EEF1D: variants seen among roughly 807,000 people sequenced by gnomAD.
The protein encoded by EEF1D is elongation factor 1-delta.
A neutral mutation model predicts 63.9 loss-of-function variants in EEF1D; 47 were observed. That is an observed-to-expected ratio of 0.74 (90% CI 0.58 to 0.94). The LOEUF (loss-of-function observed/expected upper bound fraction) is 0.94, where lower values mean the gene tolerates loss of function less well. Ranked by LOEUF, EEF1D falls within the 40% of genes least tolerant of loss-of-function variation. The pLI is 0.00. For synonymous variants in EEF1D, 412 were observed against 386.1 expected, an observed-to-expected ratio of 1.07 and a Z score of -0.79; for missense variants, 907 against 899.0, an observed-to-expected ratio of 1.01 and a Z score of -0.11.
chr8:143,586,378 T>C, intron 4 of EEF1D, 88 bp from the exon 5 acceptor site: 1 of 1,234,544 alleles, frequency 8.1e-7, no homozygotes, highest in Non-Finnish European at 1.1e-6. Flanking sequence ...CCATGAACCC[T>C]CACATAGAGA....
chr8:143,581,356 A>G, intron 5 of EEF1D, 28 bp from the exon 6 acceptor site: 2 of 1,597,220 alleles, frequency 1.3e-6, no homozygotes, highest in East Asian at 2.2e-5. Flanking sequence ...GGGAGGGCTC[A>G]GTGCCCAGCC....
chr8:143,581,972 G>A lies in EEF1D; in HGVS notation c.1288-644C>T, dbSNP rs1348486260. 8 of 152,544 alleles carry A rather than the reference G, an allele frequency of 5.2e-5. No individual in the cohort carries two copies. In the East Asian group the frequency reaches 9.6e-4, roughly 18 times the overall value. The allele number at this position is 152,544 out of a possible 1,614,324, so 9.4% of individuals were successfully genotyped here. A position where few individuals can be genotyped will look rare whatever the true frequency, so the allele number is the denominator to read the frequency against. On this transcript the variant is annotated intron_variant, in intron 5 of 9. Transcript: ENST00000618139. ...TCCTTAAGCATCTACCTGCACGCAT[G>A]GGCCATTTAGCCTGCCCACCCTCCA... is the stretch of plus-strand genomic sequence containing the variant.
intron 9 of EEF1D, 37 bp from the exon 10 acceptor site, chr8:143,579,867 C>T (rs764038804): frequency 1.2e-5 from 18 of 1,539,028 alleles, no homozygotes; most frequent in Non-Finnish European, 1.6e-5. Flanking sequence ...AGGGCTGTTC[C>T]CCTACAGCCC....
Position 143,581,237 on chromosome 8 carries a change from A to T in EEF1D, c.1379T>A (p.Leu460Gln). The T allele has an allele frequency of 6.2e-7, 1 of 1,612,736 alleles. No homozygotes were observed. The highest frequency in any genetic ancestry group is 8.5e-7 in the Non-Finnish European group (1 of 1,179,956). Residue 460 changes from leucine (L) to glutamine (Q), a missense_variant, in exon 6 of 10, where the codon CTG becomes CAG. Physicochemically the swap from Leu to Gln is moderately radical, Grantham distance 113. Transcript: ENST00000618139. ...CTGGCCCGGGGCCTCACCGCCACGC[A>T]GACTCTGGTTCTCCACTTCCAGACT... Reference protein sequence around the residue: ...IASLEVENQSLRGVVQELQQA... With the variant: ...IASLEVENQSQRGVVQELQQA...
chr8:143,589,278 G>C lies in EEF1D; in HGVS notation c.804C>G (p.Ala268=). 1 of 1,586,858 alleles carries C rather than the reference G, an allele frequency of 6.3e-7. No individual in the cohort carries two copies. The highest frequency in any genetic ancestry group is 8.6e-7 in the Non-Finnish European group (1 of 1,165,860). The stretch of plus-strand genomic sequence containing the variant: ...CTCTGCGGCCCCGCCGGGCACCCTC[G>C]GCCAGGCCGGCTCGCTCTTGCAGGC... The part of the protein sequence containing the change: ...KVRLQERAGL[A]EGARRGRRDR... The change falls in exon 3 of 10, where the codon GCC becomes GCG. Residue 268 remains alanine (A), a synonymous_variant. Coordinates refer to ENST00000618139, the MANE Select transcript of EEF1D (RefSeq NM_001130053.5).
chr8:143,581,233 A>G lies in EEF1D; in HGVS notation c.1383T>C (p.Arg461=). The part of the protein sequence containing the change: ...ASLEVENQSL[R]GVVQELQQAI... ...CCCACTGGCCCGGGGCCTCACCGCC[A>G]CGCAGACTCTGGTTCTCCACTTCCA... The change falls in exon 6 of 10, where the codon CGT becomes CGC. Residue 461 remains arginine, a synonymous_variant. Transcript: ENST00000618139. 1 of 1,612,720 alleles carries G rather than the reference A, an allele frequency of 6.2e-7. No homozygotes were observed. Among genetic ancestry groups the G allele is most frequent in the Admixed American group, 1.7e-5 (1 of 60,018 alleles).
rs760515138 is a variant in EEF1D at position 143,589,671 on chromosome 8, G to A, written c.411C>T (p.Ala137=). 6.5e-7 allele frequency: 1 copy of A among 1,533,754 alleles called. No individual in the cohort carries two copies. The change falls in exon 3 of 10, where the codon GCC becomes GCT. Residue 137 remains alanine (A), a synonymous_variant. Coordinates refer to ENST00000618139, the MANE Select transcript of EEF1D (RefSeq NM_001130053.5). The part of the protein sequence containing the change: ...QKLADVAAQA[A]WPPALAPWGL... Reference sequence around the variant, plus strand: ...CCCAAGGGGCCAAGGCAGGAGGCCAGGCTGCCTGGGCAGCCACATCTGCCA... The same window carrying A: ...CCCAAGGGGCCAAGGCAGGAGGCCAAGCTGCCTGGGCAGCCACATCTGCCA...
intron 5 of EEF1D, among the ~76,000 whole-genome samples, chr8:143,584,705 C>CAACCTA (rs59178781): frequency 0.8 from 121,126 of 151,290 alleles, 50,157 homozygotes; most frequent in Non-Finnish European, 0.92. Context: ...TCTTCTAGAA[C>CAACCTA]AACCTAAACT....
At position 143,589,279 on chromosome 8, in the gene EEF1D, G is replaced by A; in HGVS notation, c.803C>T (p.Ala268Val). The A allele has an allele frequency of 6.3e-7, 1 of 1,587,198 alleles. No individual in the cohort carries two copies. Among genetic ancestry groups the A allele is most frequent in the South Asian group, 1.1e-5 (1 of 88,228 alleles). The change falls in exon 3 of 10, where the codon GCC becomes GTC. Residue 268 changes from alanine (A) to valine (V), a missense_variant. Ala to Val is a moderately conservative substitution (Grantham distance 64, BLOSUM62 0). Transcript: ENST00000618139. ...TCTGCGGCCCCGCCGGGCACCCTCGGCCAGGCCGGCTCGCTCTTGCAGGCG... is the reference window on the plus strand; with the variant it reads ...TCTGCGGCCCCGCCGGGCACCCTCGACCAGGCCGGCTCGCTCTTGCAGGCG... ...KVRLQERAGL[A>V]EGARRGRRDR...
chr8:143,585,928 ACAGGACACCCTG>A, intron 5 of EEF1D: 1 of 421,814 alleles, frequency 2.4e-6, no homozygotes. Context: ...CCAGGTGCCC[ACAGGACACCCTG>A]CAAATGGCAC....
At chr8:143,588,288 G>A (rs988192785) in intron 3 of EEF1D, among the ~76,000 whole-genome samples, 9 of 152,100 alleles carry the variant, frequency 5.9e-5, no homozygotes, top group South Asian at 4.1e-4. Flanking sequence ...GGACACCCTC[G>A]CCAACAGGCC....
In EEF1D at chr8:143,589,955, G is replaced by C. The variant is rs573856271; in HGVS notation, c.127C>G (p.Pro43Ala). ...TQAAASAQQL[P>A]AEGPAMNGPG... The stretch of plus-strand genomic sequence containing the variant: ...CCATTCATGGCTGGCCCCTCGGCTG[G>C]CAGCTGCTGGGCGGAGGCGGCCGCC... Residue 43 changes from proline (P) to alanine (A), a missense_variant, in exon 3 of 10, where the codon CCA (proline) becomes GCA (alanine). Pro to Ala is a conservative substitution (Grantham distance 27, BLOSUM62 -1). Coordinates refer to ENST00000618139, the MANE Select transcript of EEF1D (RefSeq NM_001130053.5). The C allele has an allele frequency of 6.3e-7, 1 of 1,598,966 alleles. No individual in the cohort carries two copies. Among genetic ancestry groups the C allele is most frequent in the South Asian group, 1.1e-5 (1 of 91,012 alleles).
intron 1 of EEF1D, among the ~76,000 whole-genome samples, chr8:143,595,908 C>T (rs1249393495): frequency 3.3e-5 from 5 of 152,242 alleles, no homozygotes. Flanking sequence ...TACACCAGCA[C>T]TTAGCATAAC....
In EEF1D at chr8:143,591,157, A is replaced by G. The variant is rs546061498; in HGVS notation, c.1-1076T>C. Among the ~76,000 whole-genome samples the G allele has an allele frequency of 1.3e-4, 20 of 152,310 alleles. 1 individual carries two copies. The South Asian group carries it at 2.1e-3, about 16-fold the overall frequency. ...GCTAAAGGGGAATCATGGGGCTCTC[A>G]CAGTCCCAGGACATCAGGGCCCCCT... On this transcript the variant is annotated intron_variant, in intron 2 of 9. Transcript: ENST00000618139.
chr8:143,589,994 G>A lies in EEF1D; in HGVS notation c.88C>T (p.His30Tyr). Residue 30 changes from histidine to tyrosine, a missense_variant, in exon 3 of 10, where the codon CAC becomes TAC. Coordinates refer to ENST00000618139, the MANE Select transcript of EEF1D (RefSeq NM_001130053.5). ...GAGGCGGCCGCCTGTGTGGCCTCGT[G>A]TTCGTAGAAGCGCCGCTCGGCCTCC... is the stretch of plus-strand genomic sequence containing the variant. ...YEEAERRFYE[H>Y]EATQAAASAQ... The A allele has an allele frequency of 6.3e-7, 1 of 1,599,482 alleles. No homozygotes were observed. The highest frequency in any genetic ancestry group is 8.5e-7 in the Non-Finnish European group (1 of 1,179,760).
chr8:143,582,785 G>A (rs1442086659), intron 5 of EEF1D: 11 of 152,238 alleles, frequency 7.2e-5, no homozygotes, highest in Admixed American at 5.2e-4. Context: ...CAGCTTCAAC[G>A]GGCAGGCTCA....
In EEF1D at chr8:143,589,246, C is replaced by A; in HGVS notation, c.836G>T (p.Arg279Leu). 6.3e-7 allele frequency: 1 copy of A among 1,581,954 alleles called. No homozygotes were observed. Among genetic ancestry groups the A allele is most frequent in the East Asian group, 2.3e-5 (1 of 43,596 alleles). The part of the protein sequence containing the change: ...EGARRGRRDR[R>L]GRNILGNKRA... ...CTTGTTCCCTAAGATGTTGCGGCCC[C>A]GCCGGTCTCTGCGGCCCCGCCGGGC... The change falls in exon 3 of 10, where the codon CGG (arginine) becomes CTG (leucine). Residue 279 changes from arginine (R) to leucine (L), a missense_variant. By Grantham distance (102) the Arg-to-Leu change is moderately radical. Coordinates refer to ENST00000618139, the MANE Select transcript of EEF1D (RefSeq NM_001130053.5).
chr8:143,588,796 A>G (rs557491129), intron 3 of EEF1D, 195 bp downstream of exon 3: 42 of 722,844 alleles, frequency 5.8e-5, no homozygotes, highest in Middle Eastern at 7.9e-4. Context: ...AACCTCAAGC[A>G]GTGTCCCTGG....
At chr8:143,585,117 C>T (rs933845711) in intron 5 of EEF1D, among the ~76,000 whole-genome samples, 1 of 152,102 alleles carries the variant, frequency 6.6e-6, no homozygotes, top group Non-Finnish European at 1.5e-5. Flanking sequence ...CCGGCGCCCA[C>T]GTCCCAACCC....
Sources: allele counts gnomAD v4.1 joint callset (sites outside exome capture counted in the v4.1 genomes callset), GRCh38; gene constraint gnomAD v4.1.1; transcripts MANE v1.5; gene names NCBI Gene and HGNC (gene_info 2026-07-23, HGNC 2026-07-21).